Variants in PGGT1B observed in about 807,000 individuals in gnomAD.
The protein encoded by PGGT1B is geranylgeranyl transferase type-1 subunit beta.
PGGT1B carries 30 observed loss-of-function variants against 46.1 expected under a neutral mutation model. The ratio of observed to expected loss-of-function variants is 0.65; its 90% CI spans 0.49 to 0.88. The LOEUF is 0.88. Ranked by LOEUF, PGGT1B falls within the 40% of genes least tolerant of loss-of-function variation. The pLI, the probability that PGGT1B is intolerant of heterozygous loss-of-function variation, is 0.00. For missense variants in PGGT1B, 376 were observed against 455.9 expected, an observed-to-expected ratio of 0.82 and a Z score of 1.60; for synonymous variants, 170 against 160.0, an observed-to-expected ratio of 1.06 and a Z score of -0.47.
intron 1 of PGGT1B, among the ~76,000 whole-genome samples, chr5:115,254,385 T>C (rs1297980869): frequency 1.3e-5 from 2 of 152,110 alleles, no homozygotes; most frequent in African/African-American, 2.4e-5. Flanking sequence ...TTAAATTTCA[T>C]ATACATCTTA....
chr5:115,227,216 A>C (rs1392603315), intron 6 of PGGT1B, among the ~76,000 whole-genome samples: 2 of 152,188 alleles, frequency 1.3e-5, no homozygotes, highest in African/African-American at 4.8e-5. Flanking sequence ...ATGTAAGCCT[A>C]CTAAGCAAGT....
rs993063981 is a variant in PGGT1B at position 115,208,384 on chromosome 5, T to C, written c.*4018A>G. On this transcript the variant is annotated 3_prime_UTR_variant, in exon 9 of 9. Coordinates refer to ENST00000419445, the MANE Select transcript of PGGT1B (RefSeq NM_005023.4). Reference sequence around the variant, plus strand: ...TCCCCTTGAAACAATCTGGGCTTGATGCTTCTTTTGGTAAGGGGTACTTTT... The same window carrying C: ...TCCCCTTGAAACAATCTGGGCTTGACGCTTCTTTTGGTAAGGGGTACTTTT... 6.6e-6 allele frequency: 1 copy of C among 152,020 alleles called. No homozygotes were observed. Among genetic ancestry groups the C allele is most frequent in the African/African-American group, 2.4e-5 (1 of 41,442 alleles). 9.4% of individuals were successfully genotyped at this position (152,020 alleles called of 1,614,324 possible). A position where few individuals can be genotyped will look rare whatever the true frequency, so the allele number is the denominator to read the frequency against.
chr5:115,239,487 T>A (rs538600367), intron 3 of PGGT1B, among the ~76,000 whole-genome samples: 1 of 152,334 alleles, frequency 6.6e-6, no homozygotes, highest in African/African-American at 2.4e-5. Context: ...TTCTTAGAAT[T>A]CCTATTGCAT....
intron 6 of PGGT1B, among the ~76,000 whole-genome samples, chr5:115,226,073 G>A (rs1580752656): frequency 6.7e-6 from 1 of 149,306 alleles, no homozygotes; most frequent in East Asian, 2.0e-4. Flanking sequence ...TATGAATCCT[G>A]AGTTGGCGGG....
chr5:115,240,294 C>T (rs539394761), intron 3 of PGGT1B, among the ~76,000 whole-genome samples: 3 of 152,056 alleles, frequency 2.0e-5, no homozygotes, highest in South Asian at 2.1e-4. Flanking sequence ...TTGGTGCAGG[C>T]GTTGGTTGGG....
intron 8 of PGGT1B, among the ~76,000 whole-genome samples, chr5:115,214,601 T>C (rs1000748003): frequency 6.6e-6 from 1 of 152,238 alleles, no homozygotes; most frequent in Non-Finnish European, 1.5e-5. Flanking sequence ...CTATGCTTTC[T>C]ATTGCATACT....
In PGGT1B at chr5:115,236,465, G is replaced by A. The variant is rs1282853105; in HGVS notation, c.537C>T (p.Ser179=). 6.3e-7 allele frequency: 1 copy of A among 1,588,666 alleles called. No individual in the cohort carries two copies. The highest frequency in any genetic ancestry group is 1.4e-5 in the African/African-American group (1 of 73,196). The part of the protein sequence containing the change: ...ENDMRFVYCA[S]CICYMLNNWS... Reference sequence around the variant, plus strand: ...AGTTGTTGAGCATATAGCAAATACAGGAAGCACAGTACACAAATCGCATGT... The same window carrying A: ...AGTTGTTGAGCATATAGCAAATACAAGAAGCACAGTACACAAATCGCATGT... Residue 179 remains serine (S), a synonymous_variant, in exon 5 of 9, where the codon TCC becomes TCT. Transcript: ENST00000419445.
chr5:115,236,586 GT>G, intron 4 of PGGT1B, 64 bp from the exon 5 acceptor site: 1 of 1,066,956 alleles, frequency 9.4e-7, no homozygotes, highest in Non-Finnish European at 1.3e-6. Context: ...TTGCATGGGG[GT>G]TAGAAACACC....
At chr5:115,234,980 A>G (rs1757131785) in intron 5 of PGGT1B, among the ~76,000 whole-genome samples, 1 of 152,074 alleles carries the variant, frequency 6.6e-6, no homozygotes, top group African/African-American at 2.4e-5. Context: ...CTTAGTACCC[A>G]GATTCTAGTT....
At chr5:115,225,285 T>C (rs527343054) in intron 6 of PGGT1B, among the ~76,000 whole-genome samples, 3 of 152,376 alleles carry the variant, frequency 2.0e-5, no homozygotes, top group African/African-American at 4.8e-5. Flanking sequence ...AATTAGCATA[T>C]GCAGAATACT....
In PGGT1B at chr5:115,262,774, C is replaced by T. The variant is rs1276295223; in HGVS notation, c.78G>A (p.Val26=). 1.2e-6 allele frequency: 2 copies of T among 1,613,598 alleles called. No individual in the cohort carries two copies. Among genetic ancestry groups the T allele is most frequent in the East Asian group, 4.5e-5 (2 of 44,860 alleles). ...ERLDFLRDRH[V]RFFQRCLQVL... The stretch of plus-strand genomic sequence containing the variant: ...CCTGGAGGCAGCGCTGGAAAAATCG[C>T]ACGTGCCGATCCCGTAAGAAATCCA... The change falls in exon 1 of 9, where the codon GTG becomes GTA. Residue 26 remains valine, a synonymous_variant. Transcript: ENST00000419445.
intron 6 of PGGT1B, among the ~76,000 whole-genome samples, chr5:115,227,852 C>CA (rs1756837498): frequency 6.6e-6 from 1 of 152,080 alleles, no homozygotes; most frequent in Admixed American, 6.6e-5. Context: ...TGTAAAGTAT[C>CA]AGATGGTAGT....
At chr5:115,231,793 G>C (rs1176604965) in intron 5 of PGGT1B, 1 of 152,040 alleles carries the variant, frequency 6.6e-6, no homozygotes, top group Admixed American at 6.6e-5. Context: ...ACACATTCCA[G>C]TTGCCATGGT....
intron 4 of PGGT1B, among the ~76,000 whole-genome samples, chr5:115,236,905 T>G (rs1244897714): frequency 6.6e-6 from 1 of 152,178 alleles, no homozygotes; most frequent in Admixed American, 6.5e-5. Context: ...ATACGAAATT[T>G]CCAAGCCCAA....
In PGGT1B at chr5:115,221,900, T is replaced by G. The variant is rs1756600716; in HGVS notation, c.767A>C (p.Gln256Pro). 6.8e-6 allele frequency: 11 copies of G among 1,610,448 alleles called. No individual in the cohort carries two copies. Among genetic ancestry groups the G allele is most frequent in the Non-Finnish European group, 9.3e-6 (11 of 1,178,094 alleles). ...AGGTCTTCCATGATAACCATTTTGT[T>G]GCCTCATTATACACCACCTCTTTAT... ...NRIKRWCIMR[Q>P]QNGYHGRPNK... The change falls in exon 7 of 9, where the codon CAA becomes CCA. Residue 256 changes from glutamine to proline, a missense_variant. Physicochemically the swap from Gln to Pro is moderately conservative, Grantham distance 76. Around this residue, in one of 2 missense-constraint regions of PGGT1B, gnomAD observed 222 missense variants for 313.6 expected, o/e 0.71. Coordinates refer to ENST00000419445, the MANE Select transcript of PGGT1B (RefSeq NM_005023.4).
Position 115,253,270 on chromosome 5 carries a change from T to C in PGGT1B, c.141-15A>G. 1.3e-6 allele frequency: 2 copies of C among 1,568,708 alleles called. No homozygotes were observed. Among genetic ancestry groups the C allele is most frequent in the South Asian group, 1.2e-5 (1 of 83,576 alleles). On this transcript the variant is annotated splice_polypyrimidine_tract_variant and intron_variant, in intron 1 of 8. Coordinates refer to ENST00000419445, the MANE Select transcript of PGGT1B (RefSeq NM_005023.4). Reference sequence around the variant, plus strand: ...CAATTGTCAACCTAAAAGAAAAAAATGTAAAATTCCATCTTAACTATCATA... The same window carrying C: ...CAATTGTCAACCTAAAAGAAAAAAACGTAAAATTCCATCTTAACTATCATA...
chr5:115,215,021 C>CA (rs1756369783), intron 8 of PGGT1B, among the ~76,000 whole-genome samples: 1 of 152,220 alleles, frequency 6.6e-6, no homozygotes, highest in South Asian at 2.1e-4. Flanking sequence ...TTGATTGAGA[C>CA]AGAGTCTCGC....
rs1272527721 is a variant in PGGT1B, at chr5:115,205,798, C to T, written c.*6604G>A. 1 of 151,844 alleles carries T rather than the reference C, an allele frequency of 6.6e-6. No homozygotes were observed. Among genetic ancestry groups the T allele is most frequent in the African/African-American group, 2.4e-5 (1 of 41,378 alleles). 9.4% of individuals were successfully genotyped at this position (151,844 alleles called of 1,614,324 possible). ...AAAAGCAGCTTGGCAAAAACAAAAACATCAAATTTAAATTGTGCACACTTT... is the reference window on the plus strand; with the variant it reads ...AAAAGCAGCTTGGCAAAAACAAAAATATCAAATTTAAATTGTGCACACTTT... On this transcript the variant is annotated 3_prime_UTR_variant, in exon 9 of 9. Coordinates refer to ENST00000419445, the MANE Select transcript of PGGT1B (RefSeq NM_005023.4).
chr5:115,259,111 T>A (rs370288285), intron 1 of PGGT1B, among the ~76,000 whole-genome samples: 38 of 152,352 alleles, frequency 2.5e-4, no homozygotes, highest in African/African-American at 8.2e-4. Flanking sequence ...AGAATCTGCA[T>A]TTTAACAAGA....
Sources: allele counts gnomAD v4.1 joint callset (sites outside exome capture counted in the v4.1 genomes callset), GRCh38; gene constraint gnomAD v4.1.1; regional missense constraint gnomAD v4.1.1; transcripts MANE v1.5; gene names NCBI Gene and HGNC (gene_info 2026-07-23, HGNC 2026-07-21).